ACVR1: variants seen among roughly 807,000 people sequenced by gnomAD.
ACVR1 encodes the protein activin receptor type-1.
ACVR1 carries 38 observed loss-of-function variants against 57.1 expected under a neutral mutation model. The ratio of observed to expected loss-of-function variants is 0.67; its 90% confidence interval spans 0.51 to 0.87. ACVR1 has a LOEUF of 0.87. Ranked by LOEUF, ACVR1 falls within the 40% of genes least tolerant of loss-of-function variation. ACVR1 has a pLI of 0.00. For synonymous variants in ACVR1, 212 were observed against 228.1 expected (o/e 0.93, Z 0.63); for missense variants, 463 against 638.2 (o/e 0.73, Z 2.96).
intron 9 of ACVR1, among the ~76,000 whole-genome samples, chr2:157,744,386 C>A (rs1220279883): frequency 6.6e-6 from 1 of 152,148 alleles, no homozygotes; most frequent in African/African-American, 2.4e-5. Context: ...AGGTGTGGCA[C>A]GTGAGAAAAT....
At chr2:157,849,921 T>C (rs904062013) in intron 1 of ACVR1, among the ~76,000 whole-genome samples, 1 of 152,360 alleles carries the variant, frequency 6.6e-6, no homozygotes, top group Non-Finnish European at 1.5e-5. Flanking sequence ...AACATTTCTA[T>C]GTTGACTGTG....
intron 1 of ACVR1, among the ~76,000 whole-genome samples, chr2:157,869,566 C>A (rs1377413880): frequency 6.6e-6 from 1 of 152,098 alleles, no homozygotes; most frequent in Non-Finnish European, 1.5e-5. Context: ...ATTTTTAACA[C>A]CTGTGCACAT....
intron 1 of ACVR1, among the ~76,000 whole-genome samples, chr2:157,858,583 TG>T (rs1379589962): frequency 6.6e-6 from 1 of 152,168 alleles, no homozygotes; most frequent in African/African-American, 2.4e-5. Flanking sequence ...GAGATTCTCC[TG>T]CCTCGGCCTC....
intron 8 of ACVR1, among the ~76,000 whole-genome samples, chr2:157,763,732 T>A (rs770370616): frequency 3.3e-4 from 50 of 152,166 alleles, no homozygotes; most frequent in Non-Finnish European, 2.4e-4. Context: ...ATAATACTGA[T>A]CTTTTTGCAG....
intron 1 of ACVR1, among the ~76,000 whole-genome samples, chr2:157,862,981 A>G (rs1689770069): frequency 6.6e-6 from 1 of 150,486 alleles, no homozygotes; most frequent in African/African-American, 2.5e-5. Flanking sequence ...ATGAATATAT[A>G]TAAACCTAAC....
rs3738924 is a variant in ACVR1 at position 157,868,050 on chromosome 2, C to T, written c.-183+7746G>A. 2.0e-5 allele frequency among the ~76,000 whole-genome samples: 3 copies of T among 152,256 alleles called. No homozygotes were observed. In the East Asian group the frequency reaches 5.8e-4, roughly 29 times the overall value. On this transcript the variant is annotated intron_variant, in intron 1 of 10. Coordinates refer to ENST00000434821, the MANE Select transcript of ACVR1 (RefSeq NM_001111067.4). ...CTAAGCTTGCTCCTATGGTGCTCATCTTGATGTGCTCTACAGAGTCAAGTC... is the reference window on the plus strand; with the variant it reads ...CTAAGCTTGCTCCTATGGTGCTCATTTTGATGTGCTCTACAGAGTCAAGTC...
At chr2:157,789,666 A>G (rs972302122) in intron 3 of ACVR1, among the ~76,000 whole-genome samples, 1 of 152,254 alleles carries the variant, frequency 6.6e-6, no homozygotes, top group East Asian at 1.9e-4. Flanking sequence ...AGAAATCCCA[A>G]AAGGGAACAG....
intron 1 of ACVR1, among the ~76,000 whole-genome samples, chr2:157,840,144 G>C (rs1300308264): frequency 6.6e-6 from 1 of 152,206 alleles, no homozygotes; most frequent in Non-Finnish European, 1.5e-5. Context: ...TTGCTACCTT[G>C]AAAAGAGAAC....
At chr2:157,796,165 T>G (rs1191913200) in intron 3 of ACVR1, among the ~76,000 whole-genome samples, 2 of 141,670 alleles carry the variant, frequency 1.4e-5, no homozygotes, top group African/African-American at 5.2e-5. Flanking sequence ...GAGACCACAG[T>G]AAGCCAGGAT....
In ACVR1 at chr2:157,761,031, C is replaced by T; in HGVS notation, c.1113G>A (p.Gly371=). 6.2e-7 allele frequency: 1 copy of T among 1,614,090 alleles called. No homozygotes were observed. The highest frequency in any genetic ancestry group is 8.5e-7 in the Non-Finnish European group (1 of 1,179,994). ...HSQSTNQLDV[G]NNPRVGTKRY... The stretch of plus-strand genomic sequence containing the variant: ...GCTTGGTGCCCACACGGGGATTGTT[C>T]CCCACATCAAGCTGATTGGTGCTCT... The change falls in exon 9 of 11, where the codon GGG becomes GGA. Residue 371 remains glycine (G), a synonymous_variant. Coordinates refer to ENST00000434821, the MANE Select transcript of ACVR1 (RefSeq NM_001111067.4).
chr2:157,770,987 C>A (rs1333748226), intron 6 of ACVR1, among the ~76,000 whole-genome samples: 2 of 152,138 alleles, frequency 1.3e-5, no homozygotes, highest in Non-Finnish European at 2.9e-5. Context: ...TAGGCACTGT[C>A]CAAATTGGTG....
chr2:157,831,856 G>A (rs1015287409), intron 1 of ACVR1, among the ~76,000 whole-genome samples: 2 of 152,174 alleles, frequency 1.3e-5, no homozygotes, highest in African/African-American at 4.8e-5. Context: ...TTAGATAGTG[G>A]TGTCAGTTGA....
At chr2:157,760,670 G>C (rs1223303225) in intron 9 of ACVR1, among the ~76,000 whole-genome samples, 1 of 152,088 alleles carries the variant, frequency 6.6e-6, no homozygotes, top group South Asian at 2.1e-4. Flanking sequence ...CAGAAATACT[G>C]GTTTTCAACC....
At chr2:157,765,345 ATAGAG>A (rs1366768794) in intron 8 of ACVR1, among the ~76,000 whole-genome samples, 1 of 152,230 alleles carries the variant, frequency 6.6e-6, no homozygotes, top group Non-Finnish European at 1.5e-5. Flanking sequence ...AACTAATTCT[ATAGAG>A]TATTTATTGT....
At chr2:157,867,009 AG>A (rs150516108) in intron 1 of ACVR1, among the ~76,000 whole-genome samples, 38 of 152,310 alleles carry the variant, frequency 2.5e-4, no homozygotes, top group African/African-American at 8.7e-4. Context: ...CCAGAGTTTC[AG>A]TTCCATTTTC....
At chr2:157,823,593 T>C (rs1688229342) in intron 1 of ACVR1, among the ~76,000 whole-genome samples, 1 of 152,196 alleles carries the variant, frequency 6.6e-6, no homozygotes, top group South Asian at 2.1e-4. Flanking sequence ...GCTTTCCTAA[T>C]GTTTTGGCCG....
chr2:157,800,707 CTGT>C (rs914086096), intron 2 of ACVR1, among the ~76,000 whole-genome samples: 7 of 152,012 alleles, frequency 4.6e-5, no homozygotes, highest in Admixed American at 1.3e-4. Flanking sequence ...GATCCTACTA[CTGT>C]TGTTGTTTTT....
intron 9 of ACVR1, among the ~76,000 whole-genome samples, chr2:157,741,787 G>C (rs998756887): frequency 6.6e-6 from 1 of 152,160 alleles, no homozygotes; most frequent in African/African-American, 2.4e-5. Flanking sequence ...GCAGGGCTCA[G>C]AGGAGGAAAC....
intron 9 of ACVR1, among the ~76,000 whole-genome samples, chr2:157,759,345 G>T (rs970836228): frequency 2.6e-5 from 4 of 151,852 alleles, no homozygotes; most frequent in African/African-American, 7.2e-5. Flanking sequence ...AATCATCAGA[G>T]ATTATTACAA....
Sources: gnomAD v4.1 joint callset for allele counts (sites outside exome capture counted in the v4.1 genomes callset) on GRCh38, gnomAD v4.1.1 for gene constraint, MANE v1.5 for transcripts, NCBI Gene and HGNC (gene_info 2026-07-23, HGNC 2026-07-21) for gene names.